Variants in KCNQ5 observed in about 807,000 individuals in gnomAD.
KCNQ5 encodes potassium voltage-gated channel subfamily Q member 5, also known as potassium voltage-gated channel subfamily KQT member 5.
Under a neutral mutation model 98.2 loss-of-function variants are expected in KCNQ5, and 30 were observed. The observed-to-expected ratio is 0.31, with a 90% CI of 0.23 to 0.41. The LOEUF (loss-of-function observed/expected upper bound fraction) is 0.41, where lower values mean the gene tolerates loss of function less well. Ranked by LOEUF, KCNQ5 falls within the 10% of genes least tolerant of loss-of-function variation. The probability of loss-of-function intolerance (pLI) is 1.00; values close to 1 mark genes in which losing one functional copy is unlikely to be tolerated. For missense variants in KCNQ5, 835 were observed against 1,182.5 expected (o/e 0.71, Z 4.31); for synonymous variants, 458 against 449.4 (o/e 1.02, Z -0.24).
chr6:73,040,995 T>C (rs1242740828), intron 2 of KCNQ5, among the ~76,000 whole-genome samples: 1 of 152,184 alleles, frequency 6.6e-6, no homozygotes, highest in Non-Finnish European at 1.5e-5. Flanking sequence ...ATAACAACAA[T>C]CTATAAATGT....
intron 1 of KCNQ5, among the ~76,000 whole-genome samples, chr6:72,924,033 G>T (rs1780518310): frequency 6.6e-6 from 1 of 152,156 alleles, no homozygotes; most frequent in African/African-American, 2.4e-5. Flanking sequence ...AGAACATTTT[G>T]CTAATACTTT....
intron 1 of KCNQ5, among the ~76,000 whole-genome samples, chr6:72,836,588 G>A (rs1049377940): frequency 5.9e-5 from 9 of 151,850 alleles, no homozygotes; most frequent in Admixed American, 6.6e-5. Context: ...ACACATGTGC[G>A]CCACCACACT....
intron 1 of KCNQ5, among the ~76,000 whole-genome samples, chr6:72,835,792 A>G (rs1406033438): frequency 1.3e-5 from 2 of 152,150 alleles, no homozygotes; most frequent in Non-Finnish European, 2.9e-5. Context: ...CTCTTTAACC[A>G]TTACGCTACA....
chr6:72,633,389 C>T (rs201896472), intron 1 of KCNQ5, among the ~76,000 whole-genome samples: 2 of 152,006 alleles, frequency 1.3e-5, no homozygotes, highest in Non-Finnish European at 2.9e-5. Context: ...GTTTATAAAT[C>T]GGAGACGACA....
At chr6:73,030,363 A>G (rs1771086288) in intron 2 of KCNQ5, among the ~76,000 whole-genome samples, 1 of 152,156 alleles carries the variant, frequency 6.6e-6, no homozygotes, top group South Asian at 2.1e-4. Flanking sequence ...GCATGAGCCT[A>G]ACTGACTGAG....
At chr6:72,862,917 T>G (rs1178858246) in intron 1 of KCNQ5, among the ~76,000 whole-genome samples, 1 of 152,334 alleles carries the variant, frequency 6.6e-6, no homozygotes, top group East Asian at 1.9e-4. Context: ...TACAAACCAC[T>G]GCACCGGGCC....
At chr6:72,670,339 C>A (rs1167798963) in intron 1 of KCNQ5, among the ~76,000 whole-genome samples, 1 of 152,142 alleles carries the variant, frequency 6.6e-6, no homozygotes, top group Non-Finnish European at 1.5e-5. Context: ...ACCAGTGTTG[C>A]CTTTAATGTT....
intron 1 of KCNQ5, among the ~76,000 whole-genome samples, chr6:72,954,531 C>CTGTGTGTGTGTG (rs3068309): frequency 1.3e-5 from 2 of 150,446 alleles, no homozygotes; most frequent in Admixed American, 6.6e-5. Flanking sequence ...CAAGACTTTT[C>CTGTGTGTGTGTG]TGTGTGTGTG....
chr6:72,622,396 T>G lies in KCNQ5; in HGVS notation c.207T>G (p.Gly69=). ...LLLGTRAATL[G]GGGGGLRESR... ...TGGGCACCCGCGCGGCCACGCTCGG[T>G]GGCGGCGGCGGTGGCCTGAGGGAGA... The change falls in exon 1 of 14, where the codon GGT becomes GGG. Residue 69 remains glycine (G), a synonymous_variant. Transcript: ENST00000370398. This position sits in a 1 kb window ranked among gnomAD's most constrained non-coding sequence, Gnocchi z 6.0. The G allele has an allele frequency of 6.7e-7, 1 of 1,481,810 alleles. No individual in the cohort carries two copies. Among genetic ancestry groups the G allele is most frequent in the Non-Finnish European group, 9.0e-7 (1 of 1,116,160 alleles). 91.8% of individuals were successfully genotyped at this position (1,481,810 alleles called of 1,614,324 possible). A position where few individuals can be genotyped will look rare whatever the true frequency, so the allele number is the denominator to read the frequency against.
chr6:72,829,601 C>T (rs1776145906), intron 1 of KCNQ5, among the ~76,000 whole-genome samples: 1 of 152,196 alleles, frequency 6.6e-6, no homozygotes, highest in Non-Finnish European at 1.5e-5. Context: ...ATGTTTTACA[C>T]TCATAAGACA....
chr6:72,838,338 AAAT>A (rs1033836210), intron 1 of KCNQ5, among the ~76,000 whole-genome samples: 7 of 152,066 alleles, frequency 4.6e-5, no homozygotes, highest in African/African-American at 1.7e-4. Context: ...TCCCTGAAAA[AAAT>A]AATATTTTGT....
intron 1 of KCNQ5, among the ~76,000 whole-genome samples, chr6:72,941,300 T>TCTTCCTTCCTTCCTTCCTTCTTTC (rs1562081956): frequency 6.8e-6 from 1 of 147,266 alleles, no homozygotes; most frequent in African/African-American, 2.5e-5. Context: ...GCCCTGCTCA[T>TCTTCCTTCCTTCCTTCCTTCTTTC]CTTCCTTCCT....
At chr6:73,070,159 T>C (rs1464794502) in intron 3 of KCNQ5, among the ~76,000 whole-genome samples, 1 of 152,236 alleles carries the variant, frequency 6.6e-6, no homozygotes, top group African/African-American at 2.4e-5. Context: ...TCATTTATTC[T>C]GAAATTCACT....
chr6:73,158,028 G>C, intron 10 of KCNQ5: 1 of 699,290 alleles, frequency 1.4e-6, no homozygotes, highest in Non-Finnish European at 2.6e-6. Context: ...AATGTCCATG[G>C]GGAGGCCGCT....
chr6:72,927,705 A>G (rs1250654315), intron 1 of KCNQ5, among the ~76,000 whole-genome samples: 1 of 152,122 alleles, frequency 6.6e-6, no homozygotes, highest in Non-Finnish European at 1.5e-5. Context: ...TTAACATTAC[A>G]TACTTTATTG....
intron 11 of KCNQ5, among the ~76,000 whole-genome samples, chr6:73,177,591 G>A (rs1166034860): frequency 6.6e-6 from 1 of 152,090 alleles, no homozygotes; most frequent in South Asian, 2.1e-4. Flanking sequence ...AGAATACTCC[G>A]CAAGTAAAGA....
chr6:72,645,931 T>G (rs1765574051), intron 1 of KCNQ5, among the ~76,000 whole-genome samples: 1 of 152,188 alleles, frequency 6.6e-6, no homozygotes, highest in Non-Finnish European at 1.5e-5. Context: ...GCATTTTTTC[T>G]TAATGAATGT....
chr6:73,192,144 A>G (rs1392769209), intron 12 of KCNQ5, among the ~76,000 whole-genome samples: 1 of 152,220 alleles, frequency 6.6e-6, no homozygotes, highest in East Asian at 1.9e-4. Flanking sequence ...ACTCCGAAAG[A>G]AAAAGACCAT....
At chr6:73,054,284 C>T (rs1772366191) in intron 3 of KCNQ5, among the ~76,000 whole-genome samples, 1 of 152,144 alleles carries the variant, frequency 6.6e-6, no homozygotes, top group African/African-American at 2.4e-5. Context: ...GAGCTGGTAC[C>T]ATTCCTACTG....
Sources: gnomAD v4.1 joint callset for allele counts (sites outside exome capture counted in the v4.1 genomes callset) on GRCh38, gnomAD v4.1.1 for gene constraint, Gnocchi (gnomAD v3.1) non-coding constraint, MANE v1.5 for transcripts, NCBI Gene and HGNC (gene_info 2026-07-23, HGNC 2026-07-21) for gene names.